Variants in ERC1 observed in about 807,000 individuals in gnomAD.
ERC1 encodes ELKS/RAB6-interacting/CAST family member 1, also known as RAB6 interacting protein 2.
In ERC1, 56 loss-of-function variants were observed where a neutral mutation model predicts 132.0. The ratio of observed to expected loss-of-function variants is 0.42; its 90% CI spans 0.34 to 0.53. The LOEUF is 0.53. Among genes scored for constraint, ERC1 ranks in the 20% least tolerant of loss-of-function variants. The pLI is 0.03. For missense variants in ERC1, 1,202 were observed against 1,349.9 expected, an observed-to-expected ratio of 0.89 and a Z score of 1.72; for synonymous variants, 478 against 476.1, an observed-to-expected ratio of 1.00 and a Z score of -0.05.
At chr12:1,372,923 C>T (rs1209096568) in intron 16 of ERC1, among the ~76,000 whole-genome samples, 1 of 152,142 alleles carries the variant, frequency 6.6e-6, no homozygotes, top group South Asian at 2.1e-4. Flanking sequence ...AATATTTAAA[C>T]AACAAAGTTA....
At chr12:1,268,871 T>TG (rs1451134187) in intron 14 of ERC1, among the ~76,000 whole-genome samples, 1 of 152,096 alleles carries the variant, frequency 6.6e-6, no homozygotes, top group African/African-American at 2.4e-5. Context: ...AACCAAGTTG[T>TG]GGTTAGTAGC....
chr12:1,463,216 A>T (rs995661284), intron 18 of ERC1, among the ~76,000 whole-genome samples: 19 of 152,064 alleles, frequency 1.2e-4, no homozygotes, highest in African/African-American at 4.1e-4. Context: ...GGGGGTGTTA[A>T]TGCTGGGGCA....
chr12:1,333,981 A>G (rs558584239), intron 15 of ERC1, among the ~76,000 whole-genome samples: 17 of 151,832 alleles, frequency 1.1e-4, no homozygotes, highest in Non-Finnish European at 1.6e-4. Context: ...TGTGGTTTCA[A>G]TTTTTTCTCT....
At chr12:1,225,464 A>ACACACACC (rs2074499547) in intron 12 of ERC1, among the ~76,000 whole-genome samples, 1 of 148,714 alleles carries the variant, frequency 6.7e-6, no homozygotes, top group African/African-American at 2.4e-5. Context: ...ACACACACAC[A>ACACACACC]CACACACACA....
chr12:1,365,322 G>C (rs1354210675), intron 15 of ERC1, among the ~76,000 whole-genome samples: 1 of 149,310 alleles, frequency 6.7e-6, no homozygotes, highest in African/African-American at 2.5e-5. Context: ...GACGCTACTG[G>C]CCTGGAAAAA....
chr12:1,064,241 A>T (rs1207809795), intron 2 of ERC1, among the ~76,000 whole-genome samples: 12 of 148,490 alleles, frequency 8.1e-5, no homozygotes, highest in African/African-American at 2.5e-4. Context: ...TTTTTGAGAG[A>T]CATTATTCTG....
Position 1,115,807 on chromosome 12 carries a change from C to A in ERC1, c.1402-59C>A, listed in dbSNP as rs759302141. ...TTGTGACTCAGATCTGTGAAAGATACAGATAAGAGGTGTTTGTTTTATTTC... is the reference window on the plus strand; with the variant it reads ...TTGTGACTCAGATCTGTGAAAGATAAAGATAAGAGGTGTTTGTTTTATTTC... On this transcript the variant is annotated intron_variant, in intron 6 of 18. Transcript: ENST00000360905. The A allele has an allele frequency of 1.6e-4, 228 of 1,396,094 alleles. 1 individual carries two copies. The highest frequency in any genetic ancestry group is 2.1e-4 in the Non-Finnish European group (218 of 1,015,750). The allele number at this position is 1,396,094 out of a possible 1,614,324, so 86.5% of individuals were successfully genotyped here.
At chr12:1,401,371 G>A (rs1291773496) in intron 16 of ERC1, among the ~76,000 whole-genome samples, 1 of 152,214 alleles carries the variant, frequency 6.6e-6, no homozygotes, top group East Asian at 1.9e-4. Context: ...AAAGGGGAGG[G>A]AGGATAAAGG....
intron 1 of ERC1, among the ~76,000 whole-genome samples, chr12:1,001,196 C>A (rs116483393): frequency 3.3e-5 from 5 of 152,184 alleles, no homozygotes; most frequent in African/African-American, 9.7e-5. Flanking sequence ...GCCACACTGC[C>A]GGTGCTTGCC....
At chr12:1,097,730 TTTG>T (rs1204857350) in intron 3 of ERC1, among the ~76,000 whole-genome samples, 1 of 147,168 alleles carries the variant, frequency 6.8e-6, no homozygotes, top group Non-Finnish European at 1.5e-5. Context: ...TTTTTTTTTT[TTTG>T]AGACAGAGTC....
chr12:1,402,614 A>AACACACACACACACACACACACACC (rs1555393206), intron 16 of ERC1, among the ~76,000 whole-genome samples: 47 of 144,990 alleles, frequency 3.2e-4, no homozygotes, highest in African/African-American at 1.2e-3. Flanking sequence ...TGTAACCCCC[A>AACACACACACACACACACACACACC]ACACACACAC....
chr12:1,293,548 G>C lies in ERC1; in HGVS notation c.2780+3536G>C, dbSNP rs61913066. Among the ~76,000 whole-genome samples the C allele has an allele frequency of 4.3e-4, 32 of 74,396 alleles. 3 individuals are homozygous for C. Among genetic ancestry groups the C allele is most frequent in the African/African-American group, 1.1e-3 (23 of 20,514 alleles). 48.8% of individuals were successfully genotyped at this position (74,396 alleles called of 152,430 possible). On this transcript the variant is annotated intron_variant, in intron 15 of 18. Transcript: ENST00000360905. ...GGAGGCCGAGGCAGGAGAATCACTT[G>C]AACCCAGGAGGCGGAGGTTGCAGTG...
chr12:1,438,954 A>AAAAAAATATAT (rs1015181197), intron 17 of ERC1, among the ~76,000 whole-genome samples: 24 of 143,578 alleles, frequency 1.7e-4, no homozygotes, highest in African/African-American at 6.3e-4. Flanking sequence ...TTTAAAAAAA[A>AAAAAAATATAT]ATATATATAT....
intron 2 of ERC1, among the ~76,000 whole-genome samples, chr12:1,064,169 T>C (rs965328500): frequency 6.6e-6 from 1 of 152,148 alleles, no homozygotes; most frequent in African/African-American, 2.4e-5. Context: ...ATTAGTCTGA[T>C]GGAGATTCCC....
At chr12:1,146,504 A>G (rs753709977) in intron 8 of ERC1, among the ~76,000 whole-genome samples, 12 of 150,966 alleles carry the variant, frequency 7.9e-5, no homozygotes, top group Non-Finnish European at 1.3e-4. Flanking sequence ...TTGTAGTTAT[A>G]TGACCTTATC....
At chr12:1,069,840 G>A (rs12817182) in intron 2 of ERC1, among the ~76,000 whole-genome samples, 34,539 of 151,990 alleles carry the variant, frequency 0.23, 4,346 homozygotes, top group Middle Eastern at 0.28. Flanking sequence ...TTTTTAATTA[G>A]GTTATGGGAA....
chr12:1,342,082 T>TA (rs2083953750), intron 15 of ERC1, among the ~76,000 whole-genome samples: 2 of 151,898 alleles, frequency 1.3e-5, no homozygotes, highest in African/African-American at 4.8e-5. Context: ...ACTATAATAA[T>TA]ATAAAGGAAG....
At chr12:1,202,235 A>G (rs1364812613) in intron 12 of ERC1, among the ~76,000 whole-genome samples, 1 of 152,212 alleles carries the variant, frequency 6.6e-6, no homozygotes, top group Non-Finnish European at 1.5e-5. Flanking sequence ...ACAGCACCTT[A>G]TAGTTTGTTA....
At chr12:1,126,986 C>CAAAAAAAAAAAAAAA (rs71055135) in intron 7 of ERC1, among the ~76,000 whole-genome samples, 122 of 114,144 alleles carry the variant, frequency 1.1e-3, no homozygotes, top group Non-Finnish European at 1.6e-3. Context: ...GATTCTGTCT[C>CAAAAAAAAAAAAAAA]AAAAAAAAAA....
Sources: gnomAD v4.1 joint callset for allele counts (sites outside exome capture counted in the v4.1 genomes callset) on GRCh38, gnomAD v4.1.1 for gene constraint, MANE v1.5 for transcripts, NCBI Gene and HGNC (gene_info 2026-07-23, HGNC 2026-07-21) for gene names.